ALOX5AP: variants seen among roughly 807,000 people sequenced by gnomAD.
The protein encoded by ALOX5AP is arachidonate 5-lipoxygenase-activating protein.
Under a neutral mutation model 18.5 loss-of-function variants are expected in ALOX5AP, and 9 were observed. The ratio of observed to expected loss-of-function variants is 0.49; its 90% CI spans 0.29 to 0.85. The LOEUF (loss-of-function observed/expected upper bound fraction) is 0.85. ALOX5AP is among the 40% of genes least tolerant of loss of function. The probability of loss-of-function intolerance (pLI) is 0.08; values close to 1 mark genes in which losing one functional copy is unlikely to be tolerated. For missense variants in ALOX5AP, 172 were observed against 202.5 expected (o/e 0.85, Z 0.91); for synonymous variants, 81 against 78.6 (o/e 1.03, Z -0.16).
At chr13:30,713,532 G>C in exon 1 of ALOX5AP, 1 of 565,598 alleles carries the variant, frequency 1.8e-6, no homozygotes, top group Non-Finnish European at 3.1e-6. Flanking sequence ...CAAAGATGGG[G>C]TTGAAAGGGC....
In ALOX5AP at chr13:30,759,850, T is replaced by A. The variant is rs114328312; in HGVS notation, c.323+3825T>A. Reference sequence around the variant, plus strand: ...TGTGGTGCTTATTAAAGATACAGATTCCTGGGCCCCATCCCAGACTTATGA... The same window carrying A: ...TGTGGTGCTTATTAAAGATACAGATACCTGGGCCCCATCCCAGACTTATGA... On this transcript the variant is annotated intron_variant, in intron 4 of 4. Coordinates refer to ENST00000380490, the MANE Select transcript of ALOX5AP (RefSeq NM_001629.4). 1.1e-3 allele frequency among the ~76,000 whole-genome samples: 175 copies of A among 152,306 alleles called. 1 individual carries two copies. The highest frequency in any genetic ancestry group is 4.0e-3 in the African/African-American group (166 of 41,566).
At chr13:30,729,528 A>T (rs1303761304) in intron 1 of ALOX5AP, among the ~76,000 whole-genome samples, 1 of 152,026 alleles carries the variant, frequency 6.6e-6, no homozygotes, top group Non-Finnish European at 1.5e-5. Context: ...ATTGCCTACA[A>T]AACAGATAAA....
intron 4 of ALOX5AP, among the ~76,000 whole-genome samples, chr13:30,756,851 C>G (rs930513920): frequency 5.5e-5 from 8 of 146,770 alleles, no homozygotes; most frequent in Admixed American, 2.0e-4. Flanking sequence ...GATGCAGACA[C>G]GAGACTGTGA....
At chr13:30,722,550 G>A (rs1951602302) in intron 1 of ALOX5AP, among the ~76,000 whole-genome samples, 1 of 152,150 alleles carries the variant, frequency 6.6e-6, no homozygotes, top group Non-Finnish European at 1.5e-5. Context: ...AATGAGTGAG[G>A]CAATGAAAGA....
At chr13:30,756,741 A>G (rs1406988754) in intron 4 of ALOX5AP, among the ~76,000 whole-genome samples, 1 of 140,584 alleles carries the variant, frequency 7.1e-6, no homozygotes, top group African/African-American at 2.6e-5. Context: ...TGAACCCAGG[A>G]GGCAGAGGTT....
intron 2 of ALOX5AP, among the ~76,000 whole-genome samples, chr13:30,750,800 G>T (rs1951846049): frequency 6.6e-6 from 1 of 152,112 alleles, no homozygotes; most frequent in African/African-American, 2.4e-5. Flanking sequence ...TAACCACAAG[G>T]GTCTTTTTAA....
chr13:30,739,897 T>C (rs1464456782), intron 1 of ALOX5AP, among the ~76,000 whole-genome samples: 2 of 152,230 alleles, frequency 1.3e-5, no homozygotes, highest in Non-Finnish European at 2.9e-5. Context: ...ATTCATTCAT[T>C]CAAGCACTCC....
Position 30,759,656 on chromosome 13 carries a change from AG to A in ALOX5AP, c.323+3632del, listed in dbSNP as rs554001749. 3.6e-3 allele frequency among the ~76,000 whole-genome samples: 551 copies of A among 152,304 alleles called. 4 individuals are homozygous for A. Among genetic ancestry groups the A allele is most frequent in the Non-Finnish European group, 5.1e-3 (350 of 68,008 alleles). ...TTCCTCGTTGTCATTTCTCCTCCTC[AG>A]CATCAATGTTTTAGAGTCTGTGGGC... On this transcript the variant is annotated intron_variant, in intron 4 of 4. Transcript: ENST00000380490.
intron 1 of ALOX5AP, among the ~76,000 whole-genome samples, chr13:30,740,412 G>A (rs1951753488): frequency 6.6e-6 from 1 of 152,206 alleles, no homozygotes; most frequent in Admixed American, 6.5e-5. Context: ...AGCTAGCAGT[G>A]CCCACGTACG....
chr13:30,746,210 G>A (rs1438647928), intron 2 of ALOX5AP, among the ~76,000 whole-genome samples: 1 of 152,234 alleles, frequency 6.6e-6, no homozygotes, highest in Non-Finnish European at 1.5e-5. Context: ...GTCGTTGTGG[G>A]GTGCCAGAGA....
intron 4 of ALOX5AP, among the ~76,000 whole-genome samples, chr13:30,760,909 A>T (rs1052954924): frequency 1.7e-4 from 25 of 147,980 alleles, no homozygotes; most frequent in African/African-American, 5.9e-4. Context: ...TGGTTGGTAT[A>T]AAAAAAAAAT....
intron 1 of ALOX5AP, among the ~76,000 whole-genome samples, chr13:30,737,377 G>A (rs117575290): frequency 6.6e-6 from 1 of 152,340 alleles, no homozygotes; most frequent in East Asian, 1.9e-4. Flanking sequence ...TTGCCATCAT[G>A]GTCTAGCAAA....
At chr13:30,739,581 T>A (rs1177837171) in intron 1 of ALOX5AP, among the ~76,000 whole-genome samples, 1 of 152,162 alleles carries the variant, frequency 6.6e-6, no homozygotes, top group Non-Finnish European at 1.5e-5. Context: ...ACTACAAGCA[T>A]GTGCCACCAC....
chr13:30,717,310 C>T (rs1951557897), intron 1 of ALOX5AP, among the ~76,000 whole-genome samples: 1 of 152,198 alleles, frequency 6.6e-6, no homozygotes, highest in South Asian at 2.1e-4. Context: ...AGCAGCATAA[C>T]AACAATCATC....
chr13:30,747,932 T>A (rs113757770), intron 2 of ALOX5AP, among the ~76,000 whole-genome samples: 2 of 152,296 alleles, frequency 1.3e-5, no homozygotes, highest in East Asian at 3.9e-4. Flanking sequence ...TATTTTTATT[T>A]TTTTTTGAGA....
Position 30,758,352 on chromosome 13 carries a change from C to A in ALOX5AP, c.323+2327C>A, listed in dbSNP as rs1042145340. Among the ~76,000 whole-genome samples, 4 of 152,230 alleles carry A rather than the reference C, an allele frequency of 2.6e-5. No individual in the cohort carries two copies. The East Asian group carries it at 7.7e-4, about 29-fold the overall frequency. ...ATGTCACACTTGGACTCTGCAGACA[C>A]CTAATGCTCTTGGGACCTGCTTTAG... is the stretch of plus-strand genomic sequence containing the variant. On this transcript the variant is annotated intron_variant, in intron 4 of 4. Transcript: ENST00000380490.
chr13:30,714,103 C>T (rs1017736127), intron 1 of ALOX5AP, among the ~76,000 whole-genome samples: 10 of 151,074 alleles, frequency 6.6e-5, no homozygotes, highest in African/African-American at 2.4e-4. Flanking sequence ...CTCTGCCTTG[C>T]ATTAAATAAC....
chr13:30,755,909 G>A (rs780022871), intron 3 of ALOX5AP, 35 bp from the exon 4 acceptor site: 7 of 1,606,334 alleles, frequency 4.4e-6, no homozygotes, highest in Admixed American at 3.3e-5. Context: ...TGGTGGCTAC[G>A]AAACTGACAC....
chr13:30,725,103 A>C (rs965422248), intron 1 of ALOX5AP, among the ~76,000 whole-genome samples: 1 of 152,242 alleles, frequency 6.6e-6, no homozygotes, highest in African/African-American at 2.4e-5. Flanking sequence ...AACTTGGAGC[A>C]ATACAAGTGG....
Sources: gnomAD v4.1 joint callset for allele counts (sites outside exome capture counted in the v4.1 genomes callset) on GRCh38, gnomAD v4.1.1 for gene constraint, MANE v1.5 for transcripts, NCBI Gene and HGNC (gene_info 2026-07-23, HGNC 2026-07-21) for gene names.